The following TANC1 variants were observed in gnomAD, a reference collection of about 807,000 sequenced individuals.
TANC1 encodes protein TANC1.
In TANC1, 77 loss-of-function variants were observed where a neutral mutation model predicts 149.7. The observed-to-expected ratio is 0.51, with a 90% CI of 0.43 to 0.62. The LOEUF is 0.62. Among genes scored for constraint, TANC1 ranks in the 20% least tolerant of loss-of-function variants. TANC1 has a pLI of 0.00. For synonymous variants in TANC1, 854 were observed against 925.0 expected (o/e 0.92, Z 1.39); for missense variants, 1,985 against 2,321.8 (o/e 0.85, Z 2.98).
intron 2 of TANC1, among the ~76,000 whole-genome samples, chr2:159,020,888 G>A (rs1294813770): frequency 6.6e-6 from 1 of 150,930 alleles, no homozygotes; most frequent in Non-Finnish European, 1.5e-5. Flanking sequence ...TTTTTTCCTG[G>A]CCTCGGGTCC....
At chr2:159,199,645 C>T (rs533918884) in intron 19 of TANC1, among the ~76,000 whole-genome samples, 13 of 152,350 alleles carry the variant, frequency 8.5e-5, no homozygotes, top group Non-Finnish European at 1.8e-4. Context: ...AAAAGTAATG[C>T]TGCTTTCCAG....
chr2:159,110,066 C>G (rs559727008), intron 4 of TANC1, among the ~76,000 whole-genome samples: 41 of 152,272 alleles, frequency 2.7e-4, no homozygotes, highest in African/African-American at 9.9e-4. Context: ...GTTACTGCCA[C>G]TGTGTGTGAT....
At chr2:159,063,150 G>A (rs948211232) in intron 2 of TANC1, among the ~76,000 whole-genome samples, 3 of 151,982 alleles carry the variant, frequency 2.0e-5, no homozygotes, top group South Asian at 2.1e-4. Context: ...GCCAAATTAC[G>A]AGGTGTCTCT....
intron 19 of TANC1, among the ~76,000 whole-genome samples, chr2:159,199,937 C>T (rs2058124677): frequency 6.6e-6 from 1 of 152,204 alleles, no homozygotes; most frequent in Non-Finnish European, 1.5e-5. Context: ...GCCTGTCCTT[C>T]AGAGCCTCAC....
chr2:158,977,160 G>A (rs1016829687), intron 1 of TANC1, among the ~76,000 whole-genome samples: 5 of 151,622 alleles, frequency 3.3e-5, no homozygotes, highest in Non-Finnish European at 5.9e-5. Flanking sequence ...TATTTTTTTA[G>A]AGGGAGTCTT....
At chr2:159,027,297 C>T (rs1230534976) in intron 2 of TANC1, among the ~76,000 whole-genome samples, 1 of 152,210 alleles carries the variant, frequency 6.6e-6, no homozygotes, top group African/African-American at 2.4e-5. Flanking sequence ...GAATGCTTTG[C>T]TGCTTAAATA....
At chr2:159,206,358 A>T (rs904657156) in intron 19 of TANC1, among the ~76,000 whole-genome samples, 2 of 152,184 alleles carry the variant, frequency 1.3e-5, no homozygotes, top group African/African-American at 4.8e-5. Context: ...TCCTGGTCTC[A>T]CAGACCCCTG....
chr2:159,133,408 A>G (rs144225318), intron 4 of TANC1, among the ~76,000 whole-genome samples: 222 of 149,086 alleles, frequency 1.5e-3, no homozygotes, highest in African/African-American at 5.3e-3. Flanking sequence ...TGGCTGGAGC[A>G]CAGTGGTGCA....
At chr2:159,157,176 A>G (rs55944838) in intron 7 of TANC1, among the ~76,000 whole-genome samples, 46,277 of 152,116 alleles carry the variant, frequency 0.3, 8,016 homozygotes, top group Non-Finnish European at 0.41. Context: ...GAAGGTTACC[A>G]TGCAGGGTTG....
chr2:159,185,953 T>G, intron 15 of TANC1, 54 bp downstream of exon 15: 1 of 1,402,034 alleles, frequency 7.1e-7, no homozygotes, highest in Non-Finnish European at 1.0e-6. Context: ...TTTGAGGTTT[T>G]GCTTTGGAGA....
intron 5 of TANC1, among the ~76,000 whole-genome samples, chr2:159,140,737 C>CT (rs2051273751): frequency 7.6e-6 from 1 of 131,962 alleles, no homozygotes. Flanking sequence ...GTTGCCCAGA[C>CT]TGGAGTGCAG....
At chr2:159,030,953 A>G (rs947677327) in intron 2 of TANC1, among the ~76,000 whole-genome samples, 1 of 152,130 alleles carries the variant, frequency 6.6e-6, no homozygotes, top group African/African-American at 2.4e-5. Context: ...AGGGTATATG[A>G]GTAGCCTGAC....
At chr2:159,049,635 C>A (rs1374269280) in intron 2 of TANC1, among the ~76,000 whole-genome samples, 3 of 152,146 alleles carry the variant, frequency 2.0e-5, no homozygotes, top group Non-Finnish European at 4.4e-5. Context: ...AGGACCTCCC[C>A]AGAGTGGTGG....
In TANC1 at chr2:159,181,462, T is replaced by G. The variant is rs190605800; in HGVS notation, c.2510+2299T>G. On this transcript the variant is annotated intron_variant, in intron 14 of 26. Transcript: ENST00000263635. ...ACAGGCGCCCGCCACCTCATCCGGC[T>G]AACTTTTTGTATTTTTAGTAGAGAC... 2.7e-3 allele frequency among the ~76,000 whole-genome samples: 418 copies of G among 152,288 alleles called. 4 individuals carry two copies. The highest frequency in any genetic ancestry group is 5.1e-3 in the Non-Finnish European group (347 of 68,032).
chr2:159,033,406 G>C (rs2039938610), intron 2 of TANC1, among the ~76,000 whole-genome samples: 1 of 152,212 alleles, frequency 6.6e-6, no homozygotes, highest in Non-Finnish European at 1.5e-5. Context: ...AGACTGTTGA[G>C]TTGTGTGGCT....
chr2:159,216,281 T>C (rs548770866), intron 19 of TANC1, among the ~76,000 whole-genome samples: 1 of 152,298 alleles, frequency 6.6e-6, no homozygotes, highest in African/African-American at 2.4e-5. Flanking sequence ...GACTGACTTG[T>C]AAGAAGACTT....
At chr2:159,170,077 C>T (rs1053546645) in intron 9 of TANC1, among the ~76,000 whole-genome samples, 1 of 152,072 alleles carries the variant, frequency 6.6e-6, no homozygotes, top group Non-Finnish European at 1.5e-5. Flanking sequence ...AGCAGCCTCA[C>T]TGTACAGGCA....
At chr2:159,090,700 AC>A (rs1431754851) in intron 3 of TANC1, among the ~76,000 whole-genome samples, 6 of 152,216 alleles carry the variant, frequency 3.9e-5, no homozygotes, top group African/African-American at 1.4e-4. Flanking sequence ...GTTGCCTTCC[AC>A]CACAGCTAGC....
rs1274434620 is a variant in TANC1, at chr2:159,149,050, A to T, written c.365-92A>T. 2.8e-6 allele frequency: 4 copies of T among 1,414,206 alleles called. No individual in the cohort carries two copies. In the East Asian group the frequency reaches 7.0e-5, roughly 25 times the overall value. 87.6% of individuals were successfully genotyped at this position (1,414,206 alleles called of 1,614,324 possible). A position where few individuals can be genotyped will look rare whatever the true frequency, so the allele number is the denominator to read the frequency against. ...GCATTTTATAGAAACACACAAAATC[A>T]CCAGACAAAGCAGCTGTAGTGTGAA... On this transcript the variant is annotated intron_variant, in intron 5 of 26. Transcript: ENST00000263635.
Sources: allele counts gnomAD v4.1 joint callset (sites outside exome capture counted in the v4.1 genomes callset), GRCh38; gene constraint gnomAD v4.1.1; transcripts MANE v1.5; gene names NCBI Gene and HGNC (gene_info 2026-07-23, HGNC 2026-07-21).